ANKS1B: variants seen among roughly 807,000 people sequenced by gnomAD.
The protein encoded by ANKS1B is ankyrin repeat and sterile alpha motif domain containing 1B.
A neutral mutation model predicts 148.3 loss-of-function variants in ANKS1B; 36 were observed. That is an observed-to-expected ratio of 0.24 (90% confidence interval 0.19 to 0.32). The LOEUF (loss-of-function observed/expected upper bound fraction) is 0.32, where lower values mean the gene tolerates loss of function less well. Ranked by LOEUF, ANKS1B falls within the 10% of genes least tolerant of loss-of-function variation. ANKS1B has a pLI of 1.00. For synonymous variants in ANKS1B, 542 were observed against 560.8 expected (o/e 0.97, Z 0.47); for missense variants, 1,157 against 1,542.6 (o/e 0.75, Z 4.19).
At chr12:99,566,610 A>G (rs2097396918) in intron 9 of ANKS1B, among the ~76,000 whole-genome samples, 1 of 152,138 alleles carries the variant, frequency 6.6e-6, no homozygotes, top group South Asian at 2.1e-4. Context: ...AGATAATGTC[A>G]TCAGGGTACA....
chr12:99,518,953 C>A (rs1432721861), intron 9 of ANKS1B, among the ~76,000 whole-genome samples: 2 of 151,956 alleles, frequency 1.3e-5, no homozygotes, highest in African/African-American at 4.8e-5. Context: ...AGAAATTTTT[C>A]AATTTCCTTC....
At chr12:99,628,942 T>G (rs888510897) in intron 9 of ANKS1B, among the ~76,000 whole-genome samples, 6 of 152,230 alleles carry the variant, frequency 3.9e-5, no homozygotes, top group Non-Finnish European at 8.8e-5. Context: ...CATATTAATG[T>G]GGATCTTATT....
chr12:98,913,909 C>T (rs1305141229), intron 17 of ANKS1B, among the ~76,000 whole-genome samples: 3 of 152,180 alleles, frequency 2.0e-5, no homozygotes, highest in Non-Finnish European at 2.9e-5. Context: ...TCAATTTCTA[C>T]CCCAAACCTG....
chr12:99,749,480 T>C (rs1391532618), intron 8 of ANKS1B, among the ~76,000 whole-genome samples: 1 of 152,076 alleles, frequency 6.6e-6, no homozygotes, highest in Non-Finnish European at 1.5e-5. Flanking sequence ...GCCTAGATTT[T>C]TCATTTATAT....
At chr12:99,865,473 A>C (rs1170156488) in intron 1 of ANKS1B, among the ~76,000 whole-genome samples, 1 of 152,204 alleles carries the variant, frequency 6.6e-6, no homozygotes, top group East Asian at 1.9e-4. Flanking sequence ...TTTCAATTCC[A>C]GAAGTAGTAG....
At chr12:99,300,281 A>G (rs2081421591) in intron 12 of ANKS1B, among the ~76,000 whole-genome samples, 1 of 151,846 alleles carries the variant, frequency 6.6e-6, no homozygotes, top group Non-Finnish European at 1.5e-5. Flanking sequence ...CATCTAATGA[A>G]TGGTTGCTAA....
intron 9 of ANKS1B, among the ~76,000 whole-genome samples, chr12:99,599,602 G>T (rs1259340634): frequency 6.6e-6 from 1 of 151,976 alleles, no homozygotes; most frequent in African/African-American, 2.4e-5. Context: ...AGAAGAGATG[G>T]ATAAGATATA....
At chr12:99,327,728 T>C (rs1305213224) in intron 12 of ANKS1B, among the ~76,000 whole-genome samples, 1 of 150,778 alleles carries the variant, frequency 6.6e-6, no homozygotes, top group Non-Finnish European at 1.5e-5. Context: ...ATTTATATAA[T>C]AGATAATATT....
chr12:99,915,327 C>T (rs573879510), intron 1 of ANKS1B, among the ~76,000 whole-genome samples: 85 of 151,566 alleles, frequency 5.6e-4, no homozygotes, highest in African/African-American at 2.0e-3. Flanking sequence ...GTCAGCTGAG[C>T]CTATCTGACA....
intron 9 of ANKS1B, among the ~76,000 whole-genome samples, chr12:99,515,671 T>C (rs186865482): frequency 1.3e-3 from 200 of 151,982 alleles, no homozygotes; most frequent in Non-Finnish European, 2.2e-3. Flanking sequence ...GTGTTTTCCT[T>C]TGGGGGTGGG....
chr12:99,527,182 A>T (rs1003067434), intron 9 of ANKS1B, among the ~76,000 whole-genome samples: 1 of 151,746 alleles, frequency 6.6e-6, no homozygotes, highest in East Asian at 1.9e-4. Context: ...TCTTATGGAA[A>T]CCCTAGCAAG....
intron 8 of ANKS1B, among the ~76,000 whole-genome samples, chr12:99,713,881 T>C (rs983564138): frequency 6.6e-6 from 1 of 152,206 alleles, no homozygotes; most frequent in African/African-American, 2.4e-5. Context: ...TTTTTAGGTA[T>C]TTGTTAGCGC....
At position 99,035,407 on chromosome 12, in the gene ANKS1B, G is replaced by A. The variant is rs189771896; in HGVS notation, c.2778+17750C>T. 7.9e-5 allele frequency among the ~76,000 whole-genome samples: 12 copies of A among 152,250 alleles called. No individual in the cohort carries two copies. In the East Asian group the frequency reaches 2.1e-3, roughly 27 times the overall value. On this transcript the variant is annotated intron_variant, in intron 17 of 26. Coordinates refer to ENST00000683438, the MANE Select transcript of ANKS1B (RefSeq NM_001352186.2). ...GGCCAAGAAGAATCTAGACAGACAG[G>A]CCTTCCTGGCTTTCTTCACTCAGTC...
At chr12:99,349,646 C>A (rs1194853226) in intron 12 of ANKS1B, among the ~76,000 whole-genome samples, 1 of 151,988 alleles carries the variant, frequency 6.6e-6, no homozygotes, top group African/African-American at 2.4e-5. Context: ...TAAAAGCATA[C>A]ATGCACCTAA....
At chr12:98,752,967 C>T (rs879325266) in intron 25 of ANKS1B, among the ~76,000 whole-genome samples, 4 of 152,028 alleles carry the variant, frequency 2.6e-5, no homozygotes, top group South Asian at 4.2e-4. Flanking sequence ...GCTGGTGTGG[C>T]GGCTCACAGT....
chr12:99,283,270 G>A (rs1339124782), intron 12 of ANKS1B, among the ~76,000 whole-genome samples: 1 of 152,140 alleles, frequency 6.6e-6, no homozygotes, highest in African/African-American at 2.4e-5. Context: ...CTGGGTAGAT[G>A]CCAGATTTCT....
At chr12:98,864,492 T>C (rs1202037643) in intron 17 of ANKS1B, among the ~76,000 whole-genome samples, 2 of 152,122 alleles carry the variant, frequency 1.3e-5, no homozygotes, top group South Asian at 2.1e-4. Context: ...CTGGTAGATT[T>C]TGAGTGAAGT....
At chr12:98,755,644 A>G (rs555448679) in intron 25 of ANKS1B, among the ~76,000 whole-genome samples, 1 of 152,364 alleles carries the variant, frequency 6.6e-6, no homozygotes, top group East Asian at 1.9e-4. Context: ...GTTTCATTTA[A>G]GTCTTACCAA....
At chr12:99,910,857 A>C (rs1455581388) in intron 1 of ANKS1B, among the ~76,000 whole-genome samples, 2 of 152,124 alleles carry the variant, frequency 1.3e-5, no homozygotes, top group Non-Finnish European at 2.9e-5. Context: ...TAAAATTCAA[A>C]ATTTCTTACT....
Sources: gnomAD v4.1 joint callset for allele counts (sites outside exome capture counted in the v4.1 genomes callset) on GRCh38, gnomAD v4.1.1 for gene constraint, MANE v1.5 for transcripts, NCBI Gene and HGNC (gene_info 2026-07-23, HGNC 2026-07-21) for gene names.